The following RALYL variants were observed in gnomAD, a reference collection of about 807,000 sequenced individuals.
The protein encoded by RALYL is RNA-binding Raly-like protein.
Under a neutral mutation model 35.1 loss-of-function variants are expected in RALYL, and 29 were observed. That is an observed-to-expected ratio of 0.83 (90% confidence interval 0.61 to 1.13). The LOEUF (loss-of-function observed/expected upper bound fraction) is 1.13, where lower values mean the gene tolerates loss of function less well. Among genes scored for constraint, RALYL ranks in the 50% most tolerant of loss-of-function variants. The pLI is 0.00. For synonymous variants in RALYL, 120 were observed against 127.6 expected, an observed-to-expected ratio of 0.94 and a Z score of 0.40; for missense variants, 359 against 360.4, an observed-to-expected ratio of 1.00 and a Z score of 0.03.
intron 1 of RALYL, among the ~76,000 whole-genome samples, chr8:84,406,421 A>G (rs897626840): frequency 6.6e-6 from 1 of 151,908 alleles, no homozygotes; most frequent in Non-Finnish European, 1.5e-5. Flanking sequence ...ATGAAGCCAT[A>G]TGGGAGTAGT....
chr8:84,544,892 T>G (rs148587741), intron 2 of RALYL, among the ~76,000 whole-genome samples: 252 of 152,200 alleles, frequency 1.7e-3, no homozygotes, highest in African/African-American at 6.0e-3. Flanking sequence ...AAGTAGTATC[T>G]CATATAGTTT....
intron 1 of RALYL, among the ~76,000 whole-genome samples, chr8:84,265,321 A>G (rs1833078126): frequency 6.6e-6 from 1 of 152,216 alleles, no homozygotes; most frequent in Non-Finnish European, 1.5e-5. Context: ...AATGTAGATA[A>G]TCTTTCCAGT....
chr8:84,694,067 T>A (rs2132204139), intron 2 of RALYL, among the ~76,000 whole-genome samples: 1 of 151,920 alleles, frequency 6.6e-6, no homozygotes, highest in Non-Finnish European at 1.5e-5. Context: ...AGAACCCCAC[T>A]CTCTCCACTT....
chr8:84,769,580 G>C (rs1010275850), intron 2 of RALYL, among the ~76,000 whole-genome samples: 1 of 152,100 alleles, frequency 6.6e-6, no homozygotes, highest in African/African-American at 2.4e-5. Flanking sequence ...GGCTAACATG[G>C]TGAAACCCTG....
At position 84,450,300 on chromosome 8, in the gene RALYL, C is replaced by A. The variant is rs576542526; in HGVS notation, c.-23-78999C>A. ...CTGGGAAACTTTTGACAGGGGAAAT[C>A]AAAAATTTGCAGTCCAGTGAAGAAT... is the stretch of plus-strand genomic sequence containing the variant. On this transcript the variant is annotated intron_variant, in intron 1 of 8. Transcript: ENST00000521268. Among the ~76,000 whole-genome samples, 9 of 151,834 alleles carry A rather than the reference C, an allele frequency of 5.9e-5. No individual in the cohort carries two copies. In the South Asian group the frequency reaches 8.3e-4, roughly 14 times the overall value.
At chr8:84,418,655 T>C (rs1344239452) in intron 1 of RALYL, among the ~76,000 whole-genome samples, 1 of 152,166 alleles carries the variant, frequency 6.6e-6, no homozygotes, top group Non-Finnish European at 1.5e-5. Context: ...AAGAAAAGAA[T>C]CATTCCATTG....
rs1363086764 is a variant in RALYL at position 84,913,965 on chromosome 8, A to G, written c.859-6929A>G. 7.9e-5 allele frequency among the ~76,000 whole-genome samples: 12 copies of G among 152,036 alleles called. 1 individual carries two copies. Among genetic ancestry groups the G allele is most frequent in the Admixed American group, 2.6e-4 (4 of 15,234 alleles). On this transcript the variant is annotated intron_variant, in intron 8 of 8. Transcript: ENST00000521268. ...TATTGTAATCTTTGAATGTGTATAC[A>G]GTAAATTTAATTAAATGAAAATTGT...
At chr8:84,362,301 G>A (rs1027512019) in intron 1 of RALYL, among the ~76,000 whole-genome samples, 24 of 152,120 alleles carry the variant, frequency 1.6e-4, no homozygotes, top group Non-Finnish European at 3.2e-4. Flanking sequence ...GCAATAGAGA[G>A]GGAGGCACCA....
intron 2 of RALYL, among the ~76,000 whole-genome samples, chr8:84,646,231 C>A (rs1055588472): frequency 1.3e-5 from 2 of 151,396 alleles, no homozygotes; most frequent in African/African-American, 4.8e-5. Flanking sequence ...TCTCTTTATT[C>A]AATACCCTTT....
chr8:84,602,137 G>A (rs1816117978), intron 2 of RALYL, among the ~76,000 whole-genome samples: 1 of 152,022 alleles, frequency 6.6e-6, no homozygotes, highest in Non-Finnish European at 1.5e-5. Context: ...GACATCATAT[G>A]CAGTGACTTC....
intron 3 of RALYL, among the ~76,000 whole-genome samples, chr8:84,794,542 T>C (rs982030468): frequency 3.9e-5 from 6 of 152,210 alleles, no homozygotes; most frequent in African/African-American, 1.4e-4. Flanking sequence ...TGAAAATAAT[T>C]AAGTTTGAAA....
intron 1 of RALYL, among the ~76,000 whole-genome samples, chr8:84,499,211 C>A (rs573831275): frequency 1.2e-4 from 18 of 151,760 alleles, no homozygotes; most frequent in African/African-American, 4.4e-4. Context: ...ACATTGTACC[C>A]AATAGGTAAT....
At chr8:84,785,242 T>G (rs1819128721) in intron 3 of RALYL, among the ~76,000 whole-genome samples, 1 of 152,206 alleles carries the variant, frequency 6.6e-6, no homozygotes, top group South Asian at 2.1e-4. Context: ...TGACATTATC[T>G]CCTCTTCCCA....
At chr8:84,532,077 C>A (rs2059313210) in intron 2 of RALYL, among the ~76,000 whole-genome samples, 1 of 152,098 alleles carries the variant, frequency 6.6e-6, no homozygotes, top group South Asian at 2.1e-4. Context: ...TGCCTGAAAC[C>A]AAGTCTTAGA....
At chr8:84,404,442 G>C (rs764780437) in intron 1 of RALYL, among the ~76,000 whole-genome samples, 2 of 152,072 alleles carry the variant, frequency 1.3e-5, no homozygotes. Context: ...TGTGGTTTTT[G>C]TCATTGGTTC....
chr8:84,588,910 T>C (rs1360170050), intron 2 of RALYL, among the ~76,000 whole-genome samples: 1 of 152,210 alleles, frequency 6.6e-6, no homozygotes, highest in Non-Finnish European at 1.5e-5. Context: ...GACTTGTTTT[T>C]TTTTTGACAT....
intron 1 of RALYL, among the ~76,000 whole-genome samples, chr8:84,523,174 A>C (rs1047417672): frequency 2.0e-5 from 3 of 152,142 alleles, no homozygotes; most frequent in Non-Finnish European, 4.4e-5. Flanking sequence ...ATGGACTCGC[A>C]GTTCCACATG....
intron 6 of RALYL, among the ~76,000 whole-genome samples, chr8:84,863,774 CCTAA>C (rs1030680736): frequency 1.3e-5 from 2 of 152,192 alleles, no homozygotes; most frequent in Admixed American, 6.5e-5. Context: ...ACTTTGTGGA[CCTAA>C]CTAAGATAAC....
intron 1 of RALYL, among the ~76,000 whole-genome samples, chr8:84,248,356 C>A (rs542638996): frequency 6.6e-6 from 1 of 152,162 alleles, no homozygotes; most frequent in African/African-American, 2.4e-5. Flanking sequence ...AAACCTGGAC[C>A]AAATAATCTC....
Sources: allele counts gnomAD v4.1 joint callset (sites outside exome capture counted in the v4.1 genomes callset), GRCh38; gene constraint gnomAD v4.1.1; transcripts MANE v1.5; gene names NCBI Gene and HGNC (gene_info 2026-07-23, HGNC 2026-07-21).